KDM5A: variants seen among roughly 807,000 people sequenced by gnomAD.
The protein encoded by KDM5A is lysine demethylase 5A, also known as lysine-specific demethylase 5A.
A neutral mutation model predicts 193.5 loss-of-function variants in KDM5A; 42 were observed. That is an observed-to-expected ratio of 0.22 (90% CI 0.17 to 0.28). KDM5A has a LOEUF of 0.28. Among genes scored for constraint, KDM5A ranks in the 10% least tolerant of loss-of-function variants. KDM5A has a pLI of 1.00. For synonymous variants in KDM5A, 796 were observed against 718.1 expected (o/e 1.11, Z -1.73); for missense variants, 1,692 against 2,055.1 (o/e 0.82, Z 3.42).
chr12:334,205 A>G (rs747177275), intron 11 of KDM5A, 36 bp downstream of exon 11: 4 of 1,552,396 alleles, frequency 2.6e-6, no homozygotes, highest in Admixed American at 3.3e-5. Context: ...AGACTTTAGT[A>G]GAGTTCATGC....
In KDM5A at chr12:382,825, G is replaced by A. The variant is rs532061267; in HGVS notation, c.366+1206C>T. On this transcript the variant is annotated intron_variant, in intron 3 of 27. Transcript: ENST00000399788. ...CACATGCCTGTAATCCCAGCTACTC[G>A]GGAGGCTGAGGAAGGAGAATTGCTT... 1.6e-4 allele frequency among the ~76,000 whole-genome samples: 24 copies of A among 152,116 alleles called. 1 individual carries two copies. The highest frequency in any genetic ancestry group is 4.6e-4 in the African/African-American group (19 of 41,500).
chr12:386,265 G>A, intron 1 of KDM5A, among the ~76,000 whole-genome samples: 1 of 152,144 alleles, frequency 6.6e-6, no homozygotes. Flanking sequence ...AAAGAACCAA[G>A]CCTAAATACA....
At position 286,575 on chromosome 12, in the gene KDM5A, C is replaced by A. The variant is rs149776713; in HGVS notation, c.4867-913G>T. Among the ~76,000 whole-genome samples the A allele has an allele frequency of 2.6e-5, 4 of 152,152 alleles. No individual in the cohort carries two copies. The South Asian group carries it at 8.3e-4, about 32-fold the overall frequency. ...CCAAGGTTGGTCATTTCATTGGTAACGTTAAGAAGCCACTTAAAACCATGA... is the reference window on the plus strand; with the variant it reads ...CCAAGGTTGGTCATTTCATTGGTAAAGTTAAGAAGCCACTTAAAACCATGA... On this transcript the variant is annotated intron_variant, in intron 27 of 27. Coordinates refer to ENST00000399788, the MANE Select transcript of KDM5A (RefSeq NM_001042603.3).
chr12:363,442 C>A (rs932913088), intron 4 of KDM5A, among the ~76,000 whole-genome samples: 1 of 152,074 alleles, frequency 6.6e-6, no homozygotes, highest in African/African-American at 2.4e-5. Context: ...GCAACAAAAA[C>A]AGAGTTCAGA....
intron 10 of KDM5A, among the ~76,000 whole-genome samples, chr12:339,121 T>C (rs528841997): frequency 6.8e-6 from 1 of 146,438 alleles, no homozygotes; most frequent in African/African-American, 2.5e-5. Context: ...GAGGTTGTGG[T>C]GAGCCGAGAT....
intron 19 of KDM5A, among the ~76,000 whole-genome samples, chr12:316,121 A>G (rs1943648291): frequency 6.6e-6 from 1 of 152,236 alleles, no homozygotes; most frequent in South Asian, 2.1e-4. Context: ...TTAATAACCA[A>G]TACTAAGAGA....
At chr12:346,413 T>C (rs1163971223) in intron 10 of KDM5A, among the ~76,000 whole-genome samples, 2 of 152,226 alleles carry the variant, frequency 1.3e-5, no homozygotes, top group African/African-American at 2.4e-5. Flanking sequence ...ACTCATTTTA[T>C]GAGGCCAACA....
chr12:359,852 G>A (rs1366518763), intron 5 of KDM5A, among the ~76,000 whole-genome samples: 1 of 151,084 alleles, frequency 6.6e-6, no homozygotes, highest in African/African-American at 2.4e-5. Flanking sequence ...AAAGGAGGGA[G>A]GGAGGAAACA....
intron 13 of KDM5A, among the ~76,000 whole-genome samples, chr12:330,743 A>G (rs1943854271): frequency 6.6e-6 from 1 of 152,254 alleles, no homozygotes; most frequent in African/African-American, 2.4e-5. Context: ...GGAGCAAGTA[A>G]GACTATTCAT....
chr12:311,816 C>T (rs1456735622), intron 20 of KDM5A, among the ~76,000 whole-genome samples: 1 of 152,060 alleles, frequency 6.6e-6, no homozygotes, highest in Non-Finnish European at 1.5e-5. Context: ...GGCGGATCAC[C>T]TGAGGTGAGG....
chr12:355,812 G>C (rs1944223792), intron 6 of KDM5A, among the ~76,000 whole-genome samples: 1 of 152,128 alleles, frequency 6.6e-6, no homozygotes, highest in Non-Finnish European at 1.5e-5. Flanking sequence ...TGTGACTGTA[G>C]CATTTCATTA....
In KDM5A at chr12:334,318, G is replaced by C. The variant is rs577330252; in HGVS notation, c.1413C>G (p.Leu471=). 4 of 1,614,074 alleles carry C rather than the reference G, an allele frequency of 2.5e-6. No individual in the cohort carries two copies. Among genetic ancestry groups the C allele is most frequent in the Non-Finnish European group, 3.4e-6 (4 of 1,179,980 alleles). The change falls in exon 11 of 28, where the codon CTC becomes CTG. Residue 471 remains leucine (L), a synonymous_variant. Transcript: ENST00000399788. ...AAGAAGAGAAGCACATTCCCACATA[G>C]AGCCACGGCACTTTCATACCAGAGA... ...VDISGMKVPW[L]YVGMCFSSFC...
intron 24 of KDM5A, among the ~76,000 whole-genome samples, chr12:300,510 A>G (rs1358634021): frequency 9.9e-5 from 15 of 152,202 alleles, no homozygotes; most frequent in Non-Finnish European, 4.4e-5. Flanking sequence ...AACATACCAG[A>G]ATCTCTGGGA....
chr12:324,570 T>C (rs1159379981), intron 14 of KDM5A, among the ~76,000 whole-genome samples: 1 of 152,100 alleles, frequency 6.6e-6, no homozygotes, highest in Non-Finnish European at 1.5e-5. Context: ...ACAAATTCAG[T>C]ATGCCAAGAA....
chr12:305,031 G>A (rs1943487870), intron 24 of KDM5A, among the ~76,000 whole-genome samples: 1 of 152,124 alleles, frequency 6.6e-6, no homozygotes, highest in African/African-American at 2.4e-5. Context: ...ATAACAACGT[G>A]CTTAAGAATG....
intron 3 of KDM5A, among the ~76,000 whole-genome samples, chr12:371,634 CT>C (rs1944429278): frequency 6.6e-6 from 1 of 152,118 alleles, no homozygotes; most frequent in African/African-American, 2.4e-5. Context: ...TCTATTTTGG[CT>C]TTTGTTGCCA....
chr12:355,047 C>T, intron 7 of KDM5A, 111 bp downstream of exon 7: 1 of 757,258 alleles, frequency 1.3e-6, no homozygotes, highest in Non-Finnish European at 2.4e-6. Flanking sequence ...GCCATCAAGT[C>T]TTCTAACCAA....
At chr12:306,023 G>A (rs183711125) in intron 24 of KDM5A, among the ~76,000 whole-genome samples, 3 of 147,846 alleles carry the variant, frequency 2.0e-5, no homozygotes, top group African/African-American at 7.6e-5. Context: ...CAGGCTGGAG[G>A]GCAGTGGTGC....
intron 3 of KDM5A, among the ~76,000 whole-genome samples, chr12:366,383 A>G (rs1018419139): frequency 6.6e-6 from 1 of 152,214 alleles, no homozygotes; most frequent in African/African-American, 2.4e-5. Context: ...TGAGAAAACT[A>G]AACACATGTA....
Sources: gnomAD v4.1 joint callset for allele counts (sites outside exome capture counted in the v4.1 genomes callset) on GRCh38, gnomAD v4.1.1 for gene constraint, MANE v1.5 for transcripts, NCBI Gene and HGNC (gene_info 2026-07-23, HGNC 2026-07-21) for gene names.